The following DLGAP2 variants were observed in gnomAD, a reference collection of about 807,000 sequenced individuals.
The protein encoded by DLGAP2 is DLG associated protein 2.
Under a neutral mutation model 100.3 loss-of-function variants are expected in DLGAP2, and 26 were observed. The ratio of observed to expected loss-of-function variants is 0.26; its 90% CI spans 0.19 to 0.36. DLGAP2 has a LOEUF of 0.36. Ranked by LOEUF, DLGAP2 falls within the 10% of genes least tolerant of loss-of-function variation. DLGAP2 has a pLI of 1.00. For missense variants in DLGAP2, 1,858 were observed against 1,453.2 expected, an observed-to-expected ratio of 1.28 and a Z score of -4.53; for synonymous variants, 886 against 630.1, an observed-to-expected ratio of 1.41 and a Z score of -6.08.
chr8:821,533 A>G (rs961394876), intron 1 of DLGAP2, among the ~76,000 whole-genome samples: 1 of 152,228 alleles, frequency 6.6e-6, no homozygotes, highest in African/African-American at 2.4e-5. Flanking sequence ...AAAAATACAT[A>G]TATTAGCACC....
At chr8:1,373,162 T>A (rs1329667585) in intron 3 of DLGAP2, among the ~76,000 whole-genome samples, 1 of 152,158 alleles carries the variant, frequency 6.6e-6, no homozygotes, top group Admixed American at 6.5e-5. Flanking sequence ...CTCATTTGCT[T>A]TGGCCGTTGG....
chr8:1,514,425 T>G (rs1419554486), intron 4 of DLGAP2, among the ~76,000 whole-genome samples: 2 of 152,252 alleles, frequency 1.3e-5, no homozygotes, highest in East Asian at 3.8e-4. Flanking sequence ...TTTTAAAACT[T>G]AATGAAATTG....
intron 6 of DLGAP2, among the ~76,000 whole-genome samples, chr8:1,575,482 A>ATTATTATTATTATT (rs1445389793): frequency 1.3e-5 from 2 of 149,120 alleles, no homozygotes; most frequent in East Asian, 3.9e-4. Context: ...TATTATTATT[A>ATTATTATTATTATT]TTATTATTTA....
chr8:1,089,845 G>C (rs61425445), intron 2 of DLGAP2, among the ~76,000 whole-genome samples: 54,276 of 152,036 alleles, frequency 0.36, 10,629 homozygotes, highest in Non-Finnish European at 0.43. Context: ...GATTGTTTGG[G>C]AGACACTCGG....
chr8:1,232,362 C>T (rs1431496455), intron 2 of DLGAP2, among the ~76,000 whole-genome samples: 1 of 152,210 alleles, frequency 6.6e-6, no homozygotes, highest in Non-Finnish European at 1.5e-5. Flanking sequence ...TTTTTGGGGC[C>T]AACATGAGCA....
At chr8:1,021,923 G>T (rs752572670) in intron 2 of DLGAP2, among the ~76,000 whole-genome samples, 6 of 152,162 alleles carry the variant, frequency 3.9e-5, no homozygotes, top group Admixed American at 3.3e-4. Flanking sequence ...CTTCCTGGGA[G>T]CATCTTCTCT....
intron 2 of DLGAP2, among the ~76,000 whole-genome samples, chr8:1,228,174 A>G (rs1248341099): frequency 7.0e-6 from 1 of 142,466 alleles, no homozygotes; most frequent in African/African-American, 2.5e-5. Context: ...ACATGTATAC[A>G]TATGTAACAA....
At chr8:1,498,980 G>A (rs968105948) in intron 3 of DLGAP2, among the ~76,000 whole-genome samples, 5 of 152,222 alleles carry the variant, frequency 3.3e-5, no homozygotes, top group Non-Finnish European at 2.9e-5. Context: ...TTTGAACGGT[G>A]TCACCTGAGC....
In DLGAP2 at chr8:1,063,031, G is replaced by A. The variant is rs192514784; in HGVS notation, c.73+155065G>A. Reference sequence around the variant, plus strand: ...CAGGGACCTGCAGCTATTAAGACCTGTGTTTTTCTATGCAAGCAATGGAGT... The same window carrying A: ...CAGGGACCTGCAGCTATTAAGACCTATGTTTTTCTATGCAAGCAATGGAGT... On this transcript the variant is annotated intron_variant, in intron 2 of 14. Coordinates refer to ENST00000637795, the MANE Select transcript of DLGAP2 (RefSeq NM_001346810.2). 3.2e-4 allele frequency among the ~76,000 whole-genome samples: 48 copies of A among 152,296 alleles called. No individual in the cohort carries two copies. In the East Asian group the frequency reaches 8.9e-3, roughly 28 times the overall value.
chr8:1,157,766 A>C (rs918468269), intron 2 of DLGAP2, among the ~76,000 whole-genome samples: 1 of 152,250 alleles, frequency 6.6e-6, no homozygotes, highest in African/African-American at 2.4e-5. Flanking sequence ...GAGCTTCGTC[A>C]TTTGAAAAGC....
intron 2 of DLGAP2, among the ~76,000 whole-genome samples, chr8:999,004 G>C (rs181232756): frequency 6.6e-6 from 1 of 152,144 alleles, no homozygotes; most frequent in Non-Finnish European, 1.5e-5. Flanking sequence ...AGAATCCTGA[G>C]ATGAACATTG....
chr8:804,531 C>G (rs902062626), intron 1 of DLGAP2, among the ~76,000 whole-genome samples: 3 of 152,170 alleles, frequency 2.0e-5, no homozygotes, highest in African/African-American at 7.2e-5. Flanking sequence ...GGCTGACATG[C>G]TATGGTTTGC....
chr8:1,534,269 G>A (rs1801080503), intron 4 of DLGAP2, among the ~76,000 whole-genome samples: 1 of 152,190 alleles, frequency 6.6e-6, no homozygotes, highest in Admixed American at 6.5e-5. Context: ...GTGTCACAAG[G>A]CAAATTTTCT....
chr8:1,126,938 G>A (rs12056656), intron 2 of DLGAP2, among the ~76,000 whole-genome samples: 32,748 of 151,080 alleles, frequency 0.22, 4,152 homozygotes, highest in Admixed American at 0.29. Context: ...CCGGCCTTAT[G>A]AGGGACCCCC....
At chr8:1,581,359 T>C (rs1348506776) in intron 6 of DLGAP2, among the ~76,000 whole-genome samples, 10 of 117,014 alleles carry the variant, frequency 8.5e-5, no homozygotes, top group East Asian at 2.7e-4. Flanking sequence ...ACTCCACACA[T>C]ATACACACAC....
At chr8:1,539,557 T>C (rs887778452) in intron 4 of DLGAP2, among the ~76,000 whole-genome samples, 3 of 151,808 alleles carry the variant, frequency 2.0e-5, no homozygotes, top group Admixed American at 2.0e-4. Context: ...CTTGCCAGGG[T>C]CCCGCACCCT....
chr8:1,373,360 G>C (rs1465853383), intron 3 of DLGAP2, among the ~76,000 whole-genome samples: 1 of 151,980 alleles, frequency 6.6e-6, no homozygotes, highest in African/African-American at 2.4e-5. Flanking sequence ...GACCGTGGCC[G>C]CAGGTTGGGC....
chr8:1,489,844 T>C (rs554766058), intron 3 of DLGAP2, among the ~76,000 whole-genome samples: 2 of 152,328 alleles, frequency 1.3e-5, no homozygotes, highest in South Asian at 2.1e-4. Flanking sequence ...AATTGCACCA[T>C]AATTTACTTA....
intron 2 of DLGAP2, among the ~76,000 whole-genome samples, chr8:1,109,123 GTGCCTATGA>G: frequency 5.6e-5 from 7 of 125,478 alleles, no homozygotes; most frequent in Non-Finnish European, 1.2e-4. Context: ...AGGTGTGCAC[GTGCCTATGA>G]GGTGTGCTGG....
Sources: gnomAD v4.1 joint callset for allele counts (sites outside exome capture counted in the v4.1 genomes callset) on GRCh38, gnomAD v4.1.1 for gene constraint, MANE v1.5 for transcripts, NCBI Gene and HGNC (gene_info 2026-07-23, HGNC 2026-07-21) for gene names.